DDX1: variants seen among roughly 807,000 people sequenced by gnomAD.
DDX1 encodes ATP-dependent RNA helicase DDX1.
DDX1 carries 28 observed loss-of-function variants against 108.7 expected under a neutral mutation model. That is an observed-to-expected ratio of 0.26 (90% confidence interval 0.19 to 0.35). The LOEUF (loss-of-function observed/expected upper bound fraction) is 0.35, where lower values mean the gene tolerates loss of function less well. Ranked by LOEUF, DDX1 falls within the 10% of genes least tolerant of loss-of-function variation. The probability of loss-of-function intolerance (pLI) is 1.00; values close to 1 mark genes in which losing one functional copy is unlikely to be tolerated. For synonymous variants in DDX1, 295 were observed against 288.9 expected, an observed-to-expected ratio of 1.02 and a Z score of -0.21; for missense variants, 710 against 884.5, an observed-to-expected ratio of 0.80 and a Z score of 2.50.
chr2:15,610,881 A>T (rs6745643), intron 13 of DDX1, among the ~76,000 whole-genome samples: 3 of 149,540 alleles, frequency 2.0e-5, no homozygotes, highest in Admixed American at 1.3e-4. Flanking sequence ...TTTATTTTTT[A>T]TTTTTTAATT....
intron 19 of DDX1, among the ~76,000 whole-genome samples, chr2:15,624,312 G>A (rs1284270640): frequency 6.6e-6 from 1 of 152,112 alleles, no homozygotes; most frequent in African/African-American, 2.4e-5. Context: ...AAATATCCAA[G>A]CTACAATGGA....
At chr2:15,627,232 C>G in intron 20 of DDX1, 87 bp downstream of exon 20, 1 of 697,840 alleles carries the variant, frequency 1.4e-6, no homozygotes, top group Non-Finnish European at 2.3e-6. Context: ...ATTATTAAAG[C>G]AATTATTGTC....
At chr2:15,619,022 C>T (rs551453564) in intron 16 of DDX1, among the ~76,000 whole-genome samples, 2 of 152,184 alleles carry the variant, frequency 1.3e-5, no homozygotes, top group African/African-American at 4.8e-5. Flanking sequence ...TAGGGCCCCC[C>T]GAGTGCAGAG....
intron 20 of DDX1, 41 bp from the exon 21 acceptor site, chr2:15,628,403 AT>A (rs769784041): frequency 1.4e-6 from 2 of 1,415,040 alleles, no homozygotes; most frequent in East Asian, 4.6e-5. Flanking sequence ...TGTTTAGTAT[AT>A]GTGCTAACAA....
At chr2:15,596,573 G>A (rs2032778) in intron 3 of DDX1, among the ~76,000 whole-genome samples, 161 bp from the exon 4 acceptor site, 21,894 of 152,190 alleles carry the variant, frequency 0.14, 1,908 homozygotes, top group East Asian at 0.37. Context: ...TAACAAGATG[G>A]GCTGTAGTTG....
At chr2:15,600,471 A>G (rs1171920280) in intron 6 of DDX1, among the ~76,000 whole-genome samples, 1 of 152,192 alleles carries the variant, frequency 6.6e-6, no homozygotes, top group African/African-American at 2.4e-5. Flanking sequence ...CCTTCACACT[A>G]TACCCTCCAG....
At chr2:15,628,948 A>G in intron 23 of DDX1, 109 bp downstream of exon 23, 1 of 995,978 alleles carries the variant, frequency 1.0e-6, no homozygotes, top group Non-Finnish European at 1.6e-6. Flanking sequence ...CTGCGTATGG[A>G]ATACAAATGA....
At chr2:15,621,328 C>A in intron 18 of DDX1, 1 of 495,348 alleles carries the variant, frequency 2.0e-6, no homozygotes, top group Non-Finnish European at 3.5e-6. Context: ...TTTTTTGAGA[C>A]AGAGTCATGT....
chr2:15,621,067 T>C lies in DDX1; in HGVS notation c.1398T>C (p.Thr466=). 6.2e-7 allele frequency: 1 copy of C among 1,605,730 alleles called. No homozygotes were observed. Among genetic ancestry groups the C allele is most frequent in the Non-Finnish European group, 8.5e-7 (1 of 1,173,330 alleles). ...TTTTTATTCCTTGCTTTTGATAGAC[T>C]GATGATGTACATGCAAAAGATAACA... ...WERLGKSHIR[T]DDVHAKDNTR... Residue 466 remains threonine (T), a splice_region_variant and synonymous_variant, in exon 18 of 26, where the codon ACT becomes ACC. Coordinates refer to ENST00000233084, the MANE Select transcript of DDX1 (RefSeq NM_004939.3).
intron 14 of DDX1, 61 bp downstream of exon 14, chr2:15,613,345 C>A: frequency 8.4e-7 from 1 of 1,186,606 alleles, no homozygotes; most frequent in Non-Finnish European, 1.2e-6. Context: ...AGCAATACAG[C>A]TCTGTTTTGT....
At chr2:15,625,517 A>G (rs929242591) in intron 19 of DDX1, among the ~76,000 whole-genome samples, 1 of 152,188 alleles carries the variant, frequency 6.6e-6, no homozygotes. Flanking sequence ...TGCAATTTAC[A>G]TTGAAATGTA....
In DDX1 at chr2:15,617,297, A is replaced by G; in HGVS notation, c.1071A>G (p.Gly357=). ...GACTAGATGACTTGGTGTCAACTGGAAAGCTGAACTTATCTCAAGTTAGAT... is the reference window on the plus strand; with the variant it reads ...GACTAGATGACTTGGTGTCAACTGGGAAGCTGAACTTATCTCAAGTTAGAT... ...PGRLDDLVST[G]KLNLSQVRFL... Residue 357 remains glycine (G), a synonymous_variant, in exon 15 of 26, where the codon GGA becomes GGG. Coordinates refer to ENST00000233084, the MANE Select transcript of DDX1 (RefSeq NM_004939.3). 1 of 1,597,242 alleles carries G rather than the reference A, an allele frequency of 6.3e-7. No individual in the cohort carries two copies. The highest frequency in any genetic ancestry group is 8.5e-7 in the Non-Finnish European group (1 of 1,170,056).
At chr2:15,608,764 T>G (rs755045861) in intron 13 of DDX1, among the ~76,000 whole-genome samples, 20 of 144,490 alleles carry the variant, frequency 1.4e-4, no homozygotes, top group Admixed American at 2.1e-4. Context: ...AGCCTTGAAC[T>G]CCTAGACTCA....
chr2:15,602,686 T>G (rs1457899334), intron 7 of DDX1, 55 bp downstream of exon 7: 1 of 1,305,262 alleles, frequency 7.7e-7, no homozygotes, highest in East Asian at 2.3e-5. Context: ...TATTAATACG[T>G]GAGGGTTTTT....
chr2:15,604,853 A>G (rs1009416249), intron 10 of DDX1, among the ~76,000 whole-genome samples: 3 of 152,154 alleles, frequency 2.0e-5, no homozygotes, highest in Non-Finnish European at 2.9e-5. Context: ...AGGGCAGTCA[A>G]AAGGCTTGAT....
At position 15,630,891 on chromosome 2, in the gene DDX1, G is replaced by A. The variant is rs1446773210; in HGVS notation, c.2208G>A (p.Leu736=). Residue 736 remains leucine (L), a synonymous_variant, in exon 26 of 26, where the codon CTG becomes CTA. Transcript: ENST00000233084. ...ATCTTGGCTACCTTCCTAACCAGCT[G>A]TTCAGAACCTTCTGATTTTTACATT... ...FLHLGYLPNQ[L]FRTF is the part of the protein sequence containing the mutation. 3.1e-6 allele frequency: 5 copies of A among 1,613,964 alleles called. No individual in the cohort carries two copies. The highest frequency in any genetic ancestry group is 3.4e-6 in the Non-Finnish European group (4 of 1,179,912).
At chr2:15,621,643 A>C (rs1666009455) in intron 18 of DDX1, among the ~76,000 whole-genome samples, 1 of 151,418 alleles carries the variant, frequency 6.6e-6, no homozygotes, top group Non-Finnish European at 1.5e-5. Context: ...CCTGGCATCT[A>C]AATCACTTTT....
At chr2:15,629,865 C>G (rs1440315316) in intron 24 of DDX1, 125 bp from the exon 25 acceptor site, 2 of 1,106,604 alleles carry the variant, frequency 1.8e-6, no homozygotes, top group East Asian at 2.5e-5. Flanking sequence ...GTGAATTTCT[C>G]TCTTCAGAAA....
At position 15,605,353 on chromosome 2, in the gene DDX1, A is replaced by G. The variant is rs144412162; in HGVS notation, c.626-597A>G. 6.6e-3 allele frequency among the ~76,000 whole-genome samples: 1,003 copies of G among 152,252 alleles called. 16 individuals carry two copies. The highest frequency in any genetic ancestry group is 0.023 in the African/African-American group (955 of 41,522). On this transcript the variant is annotated intron_variant, in intron 10 of 25. Transcript: ENST00000233084. ...AGGAGGAAGGCCAGGAGGAGAACCA[A>G]GAAAGCATGGGTCCTACAGTCCTGG...
Sources: gnomAD v4.1 joint callset for allele counts (sites outside exome capture counted in the v4.1 genomes callset) on GRCh38, gnomAD v4.1.1 for gene constraint, MANE v1.5 for transcripts, NCBI Gene and HGNC (gene_info 2026-07-23, HGNC 2026-07-21) for gene names.